Variants in PPP1R18 observed in about 807,000 individuals in gnomAD.
PPP1R18 encodes phostensin.
Under a neutral mutation model 54.8 loss-of-function variants are expected in PPP1R18, and 31 were observed. The ratio of observed to expected loss-of-function variants is 0.57; its 90% confidence interval spans 0.43 to 0.76. The LOEUF is 0.76. PPP1R18 is among the 30% of genes least tolerant of loss of function. The pLI, the probability that PPP1R18 is intolerant of heterozygous loss-of-function variation, is 0.00. For missense variants in PPP1R18, 685 were observed against 776.1 expected (o/e 0.88, Z 1.39); for synonymous variants, 310 against 320.2 (o/e 0.97, Z 0.34).
Position 30,684,586 on chromosome 6 carries a change from C to A in PPP1R18, c.1433G>T (p.Arg478Leu). 6.2e-7 allele frequency: 1 copy of A among 1,602,136 alleles called. No individual in the cohort carries two copies. The highest frequency in any genetic ancestry group is 1.7e-5 in the Admixed American group (1 of 58,402). Residue 478 changes from arginine (R) to leucine (L), a missense_variant, in exon 1 of 3, where the codon CGG (arginine) becomes CTG (leucine). Transcript: ENST00000274853. The surrounding 1 kb of genome is among the most constrained non-coding windows in gnomAD (Gnocchi z 6.0). ...SGHTFTVNPR[R>L]SVPPATPATP... ...GGCTGGGGTCGCAGGGGGCACAGAC[C>A]GCCGGGGGTTGACGGTGAAGGTGTG...
In PPP1R18 at chr6:30,677,188, G is replaced by A. The variant is rs576207873; in HGVS notation, c.*81C>T. The A allele has an allele frequency of 4.7e-5, 62 of 1,320,478 alleles. 1 individual carries two copies. In the Middle Eastern group the frequency reaches 4.2e-3, roughly 89 times the overall value. The allele number at this position is 1,320,478 out of a possible 1,614,324, so 81.8% of individuals were successfully genotyped here. ...CTTCCCTGCCAGGCTCATTATCAGGGTCTGTCTGCCCTGAATCTTCCGGGC... is the reference window on the plus strand; with the variant it reads ...CTTCCCTGCCAGGCTCATTATCAGGATCTGTCTGCCCTGAATCTTCCGGGC... On this transcript the variant is annotated 3_prime_UTR_variant, in exon 3 of 3. Coordinates refer to ENST00000274853, the MANE Select transcript of PPP1R18 (RefSeq NM_133471.4).
rs1770799533 is a variant in PPP1R18, at chr6:30,684,953, G to A, written c.1066C>T (p.Pro356Ser). The A allele has an allele frequency of 2.5e-6, 4 of 1,613,128 alleles. No individual in the cohort carries two copies. The highest frequency in any genetic ancestry group is 1.6e-4 in the Middle Eastern group (1 of 6,062). The change falls in exon 1 of 3, where the codon CCA becomes TCA. Residue 356 changes from proline (P) to serine (S), a missense_variant. Physicochemically the swap from Pro to Ser is moderately conservative, Grantham distance 74. Coordinates refer to ENST00000274853, the MANE Select transcript of PPP1R18 (RefSeq NM_133471.4). The surrounding 1 kb of genome is among the most constrained non-coding windows in gnomAD (Gnocchi z 6.0). ...PRDIEAQTQK[P>S]EPPESAEKLL... is the part of the protein sequence containing the mutation. ...TTCTCTGCTGACTCTGGAGGTTCTG[G>A]TTTCTGAGTTTGAGCCTCTATGTCC...
chr6:30,680,007 A>G (rs73422013), intron 1 of PPP1R18, among the ~76,000 whole-genome samples: 5,001 of 152,150 alleles, frequency 0.033, 134 homozygotes, highest in African/African-American at 0.061. Flanking sequence ...TCTAGGGCCT[A>G]GGAAGAGATG....
At position 30,685,940 on chromosome 6, in the gene PPP1R18, TCTCTCGGCCTCGAACGGACGC is replaced by T; in HGVS notation, c.58_78del (p.Ala20_Glu26del). On this transcript the variant is annotated inframe_deletion, in exon 1 of 3. Coordinates refer to ENST00000274853, the MANE Select transcript of PPP1R18 (RefSeq NM_133471.4). The surrounding 1 kb of genome is among the most constrained non-coding windows in gnomAD (Gnocchi z 5.0). ...TGGGACAGGCGCTCCCGTTCTGCTTTCTCTCGGCCTCGAACGGACGCCTCCTCCTGCCGGCGCCGGGCTAGC... is the reference window on the plus strand; with the variant it reads ...TGGGACAGGCGCTCCCGTTCTGCTTTCTCCTCCTGCCGGCGCCGGGCTAGC... The T allele has an allele frequency of 6.2e-7, 1 of 1,607,198 alleles. No homozygotes were observed. Among genetic ancestry groups the T allele is most frequent in the Non-Finnish European group, 8.5e-7 (1 of 1,179,842 alleles).
rs767419990 is a variant in PPP1R18, at chr6:30,684,696, G to C, written c.1323C>G (p.Pro441=). ...TCATGAGGGGATCCCCAGGAGGTTG[G>C]GGGGCAGTTGGGGCTGGGGGTGGGG... ...LSPPPPAPTA[P]QPPGDPLMSR... is the part of the protein sequence containing the mutation. Residue 441 remains proline (P), a synonymous_variant, in exon 1 of 3, where the codon CCC becomes CCG. Coordinates refer to ENST00000274853, the MANE Select transcript of PPP1R18 (RefSeq NM_133471.4). The surrounding 1 kb of genome is among the most constrained non-coding windows in gnomAD (Gnocchi z 6.0). 1 of 1,479,460 alleles carries C rather than the reference G, an allele frequency of 6.8e-7. No individual in the cohort carries two copies. Among genetic ancestry groups the C allele is most frequent in the Non-Finnish European group, 9.0e-7 (1 of 1,109,264 alleles). The allele number at this position is 1,479,460 out of a possible 1,614,324, so 91.6% of individuals were successfully genotyped here. A position where few individuals can be genotyped will look rare whatever the true frequency, so the allele number is the denominator to read the frequency against.
Position 30,679,595 on chromosome 6 carries a change from C to T in PPP1R18, c.1612-206G>A, listed in dbSNP as rs118140680. ...GATCCAGTTTTCCTTTCCATACTGG[C>T]TCTCCAATTCTAGAGTTTCCCTCTT... is the stretch of plus-strand genomic sequence containing the variant. On this transcript the variant is annotated intron_variant, in intron 1 of 2. Transcript: ENST00000274853. Among the ~76,000 whole-genome samples, 1,100 of 152,220 alleles carry T rather than the reference C, an allele frequency of 7.2e-3. 12 individuals carry two copies. The highest frequency in any genetic ancestry group is 0.052 in the South Asian group (250 of 4,814).
intron 2 of PPP1R18, among the ~76,000 whole-genome samples, chr6:30,678,444 C>A (rs1333514348): frequency 6.6e-6 from 1 of 151,358 alleles, no homozygotes; most frequent in Admixed American, 6.6e-5. Context: ...GGCACGACCT[C>A]GGCTCACTGC....
chr6:30,680,451 C>T (rs1043689514), intron 1 of PPP1R18, among the ~76,000 whole-genome samples: 4 of 152,128 alleles, frequency 2.6e-5, no homozygotes, highest in Non-Finnish European at 4.4e-5. Flanking sequence ...GTCAGCCGTA[C>T]ATCCCTGAGT....
rs200422672 is a variant in PPP1R18 at position 30,685,201 on chromosome 6, G to A, written c.818C>T (p.Ser273Leu). 6.8e-5 allele frequency: 110 copies of A among 1,612,860 alleles called. No homozygotes were observed. The highest frequency in any genetic ancestry group is 8.7e-5 in the Non-Finnish European group (103 of 1,180,042). Residue 273 changes from serine to leucine, a missense_variant, in exon 1 of 3, where the codon TCG becomes TTG. Transcript: ENST00000274853. The surrounding 1 kb of genome is among the most constrained non-coding windows in gnomAD (Gnocchi z 5.0). ...LRSGEERQDY[S>L]EECGRKEEWP... Reference sequence around the variant, plus strand: ...CTCTTCTTTTCTCCCACATTCTTCCGAGTAGTCTTGTCTTTCTTCTCCTGA... The same window carrying A: ...CTCTTCTTTTCTCCCACATTCTTCCAAGTAGTCTTGTCTTTCTTCTCCTGA...
intron 2 of PPP1R18, among the ~76,000 whole-genome samples, chr6:30,678,698 A>AT (rs1770349106): frequency 6.6e-6 from 1 of 151,634 alleles, no homozygotes; most frequent in African/African-American, 2.4e-5. Flanking sequence ...TAATTTTTCA[A>AT]TTTTTTTGTA....
In PPP1R18 at chr6:30,684,800, C is replaced by A. The variant is rs1175085576; in HGVS notation, c.1219G>T (p.Asp407Tyr). 6.2e-7 allele frequency: 1 copy of A among 1,610,166 alleles called. No individual in the cohort carries two copies. The part of the protein sequence containing the change: ...CSVPSPLPPE[D>Y]AGTGGLRQQE... ...TGTCTCAGGCCTCCAGTCCCAGCGTCCTCTGGTGGGAGGGGGGAGGGCACA... is the reference window on the plus strand; with the variant it reads ...TGTCTCAGGCCTCCAGTCCCAGCGTACTCTGGTGGGAGGGGGGAGGGCACA... Residue 407 changes from aspartate (D) to tyrosine (Y), a missense_variant, in exon 1 of 3, where the codon GAC (aspartate) becomes TAC (tyrosine). Asp to Tyr is a radical substitution (Grantham distance 160). Coordinates refer to ENST00000274853, the MANE Select transcript of PPP1R18 (RefSeq NM_133471.4). This position sits in a 1 kb window ranked among gnomAD's most constrained non-coding sequence, Gnocchi z 6.0.
At chr6:30,682,881 C>T (rs1770634385) in intron 1 of PPP1R18, among the ~76,000 whole-genome samples, 1 of 152,220 alleles carries the variant, frequency 6.6e-6, no homozygotes, top group Admixed American at 6.5e-5. Flanking sequence ...ATGCTTCCCT[C>T]TGCTCATTCT....
At position 30,685,278 on chromosome 6, in the gene PPP1R18, C is replaced by A. The variant is rs1274541509; in HGVS notation, c.741G>T (p.Glu247Asp). The A allele has an allele frequency of 6.2e-7, 1 of 1,613,118 alleles. No homozygotes were observed. Among genetic ancestry groups the A allele is most frequent in the Non-Finnish European group, 8.5e-7 (1 of 1,180,028 alleles). Residue 247 changes from glutamate to aspartate, a missense_variant, in exon 1 of 3, where the codon GAG becomes GAT. Glu to Asp is a conservative substitution (Grantham distance 45). Coordinates refer to ENST00000274853, the MANE Select transcript of PPP1R18 (RefSeq NM_133471.4). The surrounding 1 kb of genome is among the most constrained non-coding windows in gnomAD (Gnocchi z 5.0). ...GTTGTACCAAACTCTGTTCCTGAGACTCTCTGGAGTCAGGTCTCCATTTAT... is the reference window on the plus strand; with the variant it reads ...GTTGTACCAAACTCTGTTCCTGAGAATCTCTGGAGTCAGGTCTCCATTTAT... ...EAHKWRPDSR[E>D]SQEQSLVQLE...
At chr6:30,678,406 C>T (rs1770326718) in intron 2 of PPP1R18, among the ~76,000 whole-genome samples, 1 of 149,698 alleles carries the variant, frequency 6.7e-6, no homozygotes, top group Admixed American at 6.7e-5. Context: ...GACGGAGTCT[C>T]ACTCTGTTGT....
Position 30,686,231 on chromosome 6 carries a change from A to G in PPP1R18, c.-213T>C. ...TGGGGAAATGGAAAAAGTGAAGAGAAGTTGTGAGCCCAAGTTGGGGGTGGT... is the reference window on the plus strand; with the variant it reads ...TGGGGAAATGGAAAAAGTGAAGAGAGGTTGTGAGCCCAAGTTGGGGGTGGT... On this transcript the variant is annotated 5_prime_UTR_variant, in exon 1 of 3. Transcript: ENST00000274853. 5 of 496,606 alleles carry G rather than the reference A, an allele frequency of 1.0e-5. No individual in the cohort carries two copies. The highest frequency in any genetic ancestry group is 2.0e-5 in the African/African-American group (1 of 48,984). The allele number at this position is 496,606 out of a possible 1,614,324, so 30.8% of individuals were successfully genotyped here. A position where few individuals can be genotyped will look rare whatever the true frequency, so the allele number is the denominator to read the frequency against.
rs186563140 is a variant in PPP1R18, at chr6:30,678,249, A to G, written c.1822+930T>C. Among the ~76,000 whole-genome samples, 339 of 151,792 alleles carry G rather than the reference A, an allele frequency of 2.2e-3. 2 individuals are homozygous for G. Among genetic ancestry groups the G allele is most frequent in the African/African-American group, 7.4e-3 (306 of 41,380 alleles). ...TGAGACAGGTCTTCCTTTGTTGCCC[A>G]GGCTGGAGTGCAGTGGGTGGTGCAA... On this transcript the variant is annotated intron_variant, in intron 2 of 2. Transcript: ENST00000274853.
At position 30,685,797 on chromosome 6, in the gene PPP1R18, C is replaced by G. The variant is rs779451045; in HGVS notation, c.222G>C (p.Glu74Asp). ...TVEAGPPDPD[E>D]SAVLLEAIGP... is the part of the protein sequence containing the mutation. Reference sequence around the variant, plus strand: ...CGATGGCCTCCAGAAGGACCGCAGACTCATCCGGGTCTGGAGGTCCAGCCT... The same window carrying G: ...CGATGGCCTCCAGAAGGACCGCAGAGTCATCCGGGTCTGGAGGTCCAGCCT... The change falls in exon 1 of 3, where the codon GAG becomes GAC. Residue 74 changes from glutamate to aspartate, a missense_variant. Transcript: ENST00000274853. This position sits in a 1 kb window ranked among gnomAD's most constrained non-coding sequence, Gnocchi z 5.0. 4.3e-6 allele frequency: 7 copies of G among 1,613,070 alleles called. 1 individual carries two copies. The South Asian group carries it at 7.7e-5, about 18-fold the overall frequency.
chr6:30,683,769 C>T lies in PPP1R18; in HGVS notation c.1611+639G>A, dbSNP rs1465825452. 6.6e-6 allele frequency among the ~76,000 whole-genome samples: 1 copy of T among 152,114 alleles called. No individual in the cohort carries two copies. Among genetic ancestry groups the T allele is most frequent in the Non-Finnish European group, 1.5e-5 (1 of 68,016 alleles). On this transcript the variant is annotated intron_variant, in intron 1 of 2. Coordinates refer to ENST00000274853, the MANE Select transcript of PPP1R18 (RefSeq NM_133471.4). The surrounding 1 kb of genome is among the most constrained non-coding windows in gnomAD (Gnocchi z 5.1). Reference sequence around the variant, plus strand: ...CACTTCAAATGGCCTCTCTGTGTCTCTCCCATGGGGCAGACTCGGGGTTCA... The same window carrying T: ...CACTTCAAATGGCCTCTCTGTGTCTTTCCCATGGGGCAGACTCGGGGTTCA...
In PPP1R18 at chr6:30,685,064, C is replaced by T. The variant is rs1421383280; in HGVS notation, c.955G>A (p.Val319Met). The T allele has an allele frequency of 1.2e-6, 2 of 1,613,172 alleles. No homozygotes were observed. Among genetic ancestry groups the T allele is most frequent in the East Asian group, 4.5e-5 (2 of 44,900 alleles). Residue 319 changes from valine (V) to methionine (M), a missense_variant, in exon 1 of 3, where the codon GTG becomes ATG. Val to Met is a conservative substitution (Grantham distance 21). Coordinates refer to ENST00000274853, the MANE Select transcript of PPP1R18 (RefSeq NM_133471.4). This position sits in a 1 kb window ranked among gnomAD's most constrained non-coding sequence, Gnocchi z 5.0. ...AGVEAAEQRP[V>M]EDGERGMKPT... is the part of the protein sequence containing the mutation. Reference sequence around the variant, plus strand: ...TTCATGCCCCTCTCGCCATCTTCCACAGGCCTCTGCTCTGCTGCCTCCACT... The same window carrying T: ...TTCATGCCCCTCTCGCCATCTTCCATAGGCCTCTGCTCTGCTGCCTCCACT...
Sources: allele counts gnomAD v4.1 joint callset (sites outside exome capture counted in the v4.1 genomes callset), GRCh38; gene constraint gnomAD v4.1.1; non-coding constraint Gnocchi (gnomAD v3.1); transcripts MANE v1.5; gene names NCBI Gene and HGNC (gene_info 2026-07-23, HGNC 2026-07-21).